ZNF138: variants seen among roughly 807,000 people sequenced by gnomAD.
ZNF138 encodes the protein zinc finger protein 138 (clone pHZ-32).
ZNF138 carries 33 observed loss-of-function variants against 33.0 expected under a neutral mutation model. The observed-to-expected ratio is 1.00, with a 90% CI of 0.76 to 1.34. The LOEUF is 1.34. Ranked by LOEUF, ZNF138 falls within the 40% of genes most tolerant of loss-of-function variation. The pLI, the probability that ZNF138 is intolerant of heterozygous loss-of-function variation, is 0.00. For missense variants in ZNF138, 360 were observed against 370.8 expected (o/e 0.97, Z 0.24); for synonymous variants, 139 against 120.4 (o/e 1.15, Z -1.01).
chr7:64,799,442 C>T (rs2128984626), intron 1 of ZNF138, among the ~76,000 whole-genome samples: 1 of 152,042 alleles, frequency 6.6e-6, no homozygotes, highest in East Asian at 1.9e-4. Flanking sequence ...GGATTACAGG[C>T]TGAGTCATGC....
At chr7:64,815,116 T>C in intron 2 of ZNF138, 72 bp downstream of exon 2, 1 of 1,369,992 alleles carries the variant, frequency 7.3e-7, no homozygotes, top group Non-Finnish European at 9.6e-7. Flanking sequence ...TTGGGTAGAA[T>C]GTCTTTTGGT....
At chr7:64,859,866 C>T in the ZNF138 span, among the ~76,000 whole-genome samples, 4 of 152,256 alleles carry the variant, frequency 2.6e-5, no homozygotes, top group African/African-American at 9.6e-5. Flanking sequence ...TGGCTGTGCA[C>T]GGTGGCTCAC....
chr7:64,860,529 A>G, the ZNF138 span, among the ~76,000 whole-genome samples: 149,805 of 152,312 alleles, frequency 0.98, 73,732 homozygotes, highest in East Asian at 1. Flanking sequence ...TGCAATAATG[A>G]TATGAACATA....
At chr7:64,815,333 A>C (rs1053453832) in intron 2 of ZNF138, among the ~76,000 whole-genome samples, 2 of 152,116 alleles carry the variant, frequency 1.3e-5, no homozygotes, top group African/African-American at 4.8e-5. Flanking sequence ...CCTAAATCTA[A>C]CTCCCAACAC....
At chr7:64,797,624 A>G (rs928273361) in intron 1 of ZNF138, among the ~76,000 whole-genome samples, 9 of 152,318 alleles carry the variant, frequency 5.9e-5, no homozygotes, top group African/African-American at 1.7e-4. Context: ...GAGAAGCTAC[A>G]GAGCCCTGGA....
the ZNF138 span, among the ~76,000 whole-genome samples, chr7:64,850,118 G>C: frequency 6.6e-6 from 1 of 152,214 alleles, no homozygotes. Context: ...AGCCCACCGG[G>C]CTTTTCCCAC....
intron 3 of ZNF138, among the ~76,000 whole-genome samples, chr7:64,822,889 T>TA (rs1313164204): frequency 6.6e-6 from 1 of 151,930 alleles, no homozygotes; most frequent in African/African-American, 2.4e-5. Context: ...TTTATTTTTT[T>TA]TTTTTTTTGA....
In ZNF138 at chr7:64,831,813, A is replaced by G. The variant is rs545938727; in HGVS notation, c.571A>G (p.Arg191Gly). The change falls in exon 4 of 4, where the codon AGA becomes GGA. Residue 191 changes from arginine (R) to glycine (G), a missense_variant. Transcript: ENST00000307355. ...RLTQHKKIHT[R>G]ENFYKCEECG... ...AACTCAACATAAAAAAATTCATACT[A>G]GAGAGAATTTCTACAAATGTGAAGA... The G allele has an allele frequency of 6.2e-7, 1 of 1,613,670 alleles. No individual in the cohort carries two copies. Among genetic ancestry groups the G allele is most frequent in the East Asian group, 2.2e-5 (1 of 44,850 alleles).
intron 3 of ZNF138, among the ~76,000 whole-genome samples, chr7:64,830,718 T>A (rs1790013553): frequency 6.6e-6 from 1 of 152,212 alleles, no homozygotes; most frequent in Admixed American, 6.5e-5. Flanking sequence ...TAATCTTCAA[T>A]TGAAATTTGA....
At chr7:64,833,886 G>A (rs1344307202), downstream of ZNF138, among the ~76,000 whole-genome samples, 4 of 152,020 alleles carry the variant, frequency 2.6e-5, no homozygotes, top group Non-Finnish European at 5.9e-5. Flanking sequence ...CATCACGCCC[G>A]GCTAAGTTTT....
In ZNF138 at chr7:64,832,017, G is replaced by A. The variant is rs1439530799; in HGVS notation, c.775G>A (p.Ala259Thr). Residue 259 changes from alanine (A) to threonine (T), a missense_variant, in exon 4 of 4, where the codon GCC (alanine) becomes ACC (threonine). By Grantham distance (58) the Ala-to-Thr change is moderately conservative (BLOSUM62 0). Coordinates refer to ENST00000307355, the MANE Select transcript of ZNF138 (RefSeq NM_001271639.2). ...CTATAAATGTGCACACTGTGGCAAA[G>A]CCTTTAAACAGTCCTCACACCTTAC... ...KPYKCAHCGKAFKQSSHLTRH... is the reference protein window; with the variant it reads ...KPYKCAHCGKTFKQSSHLTRH... 5.6e-6 allele frequency: 9 copies of A among 1,613,752 alleles called. No individual in the cohort carries two copies. The highest frequency in any genetic ancestry group is 2.7e-5 in the African/African-American group (2 of 75,014).
chr7:64,847,333 T>TATA, the ZNF138 span, among the ~76,000 whole-genome samples: 960 of 90,902 alleles, frequency 0.011, 9 homozygotes, highest in African/African-American at 0.026. Context: ...TATATATATA[T>TATA]TTTTTTTTTT....
the ZNF138 span, among the ~76,000 whole-genome samples, chr7:64,850,953 T>A: frequency 6.6e-6 from 1 of 152,182 alleles, no homozygotes; most frequent in Non-Finnish European, 1.5e-5. Flanking sequence ...ACTATCCTTT[T>A]AAAAATATAT....
At chr7:64,818,278 G>C (rs976830924) in intron 3 of ZNF138, among the ~76,000 whole-genome samples, 1 of 151,690 alleles carries the variant, frequency 6.6e-6, no homozygotes, top group Non-Finnish European at 1.5e-5. Context: ...GATCCACCAC[G>C]CCCAGCCTGA....
chr7:64,823,585 T>C (rs1789341683), intron 3 of ZNF138, among the ~76,000 whole-genome samples: 1 of 152,162 alleles, frequency 6.6e-6, no homozygotes, highest in African/African-American at 2.4e-5. Flanking sequence ...TCCTCCCACC[T>C]TGGTCCCCCA....
chr7:64,846,788 A>C, the ZNF138 span, among the ~76,000 whole-genome samples: 1 of 152,258 alleles, frequency 6.6e-6, no homozygotes, highest in Admixed American at 6.5e-5. Context: ...TAGGACTTTC[A>C]GTACTATGTT....
chr7:64,824,472 A>G (rs959754611), intron 3 of ZNF138, among the ~76,000 whole-genome samples: 1 of 152,192 alleles, frequency 6.6e-6, no homozygotes, highest in Non-Finnish European at 1.5e-5. Flanking sequence ...AATAATTAAT[A>G]TAGTCTATAA....
the ZNF138 span, among the ~76,000 whole-genome samples, chr7:64,857,767 C>A: frequency 1.3e-5 from 2 of 151,962 alleles, no homozygotes; most frequent in African/African-American, 4.8e-5. Flanking sequence ...TCAGTACCAC[C>A]CAAACAAGTG....
At chr7:64,843,104 TATA>T in the ZNF138 span, among the ~76,000 whole-genome samples, 1 of 152,190 alleles carries the variant, frequency 6.6e-6, no homozygotes, top group African/African-American at 2.4e-5. Context: ...TTTCGACAAA[TATA>T]ATGTTTTCCT....
Sources: allele counts gnomAD v4.1 joint callset (sites outside exome capture counted in the v4.1 genomes callset), GRCh38; gene constraint gnomAD v4.1.1; transcripts MANE v1.5; gene names NCBI Gene and HGNC (gene_info 2026-07-23, HGNC 2026-07-21).